RGS7: variants seen among roughly 807,000 people sequenced by gnomAD.
RGS7 encodes the protein regulator of G protein signaling 7.
Under a neutral mutation model 81.1 loss-of-function variants are expected in RGS7, and 27 were observed. The observed-to-expected ratio is 0.33, with a 90% CI of 0.25 to 0.46. The LOEUF (loss-of-function observed/expected upper bound fraction) is 0.46. Ranked by LOEUF, RGS7 falls within the 20% of genes least tolerant of loss-of-function variation. The pLI is 1.00. For missense variants in RGS7, 396 were observed against 607.4 expected (o/e 0.65, Z 3.66); for synonymous variants, 208 against 207.7 (o/e 1.00, Z -0.01).
intron 2 of RGS7, among the ~76,000 whole-genome samples, chr1:241,113,648 G>A (rs1220801112): frequency 6.6e-6 from 1 of 152,196 alleles, no homozygotes; most frequent in Non-Finnish European, 1.5e-5. Context: ...TTGCTTAGCA[G>A]AGCCATGTGC....
At chr1:240,800,834 C>A in intron 17 of RGS7, 113 bp from the exon 18 acceptor site, 1 of 506,632 alleles carries the variant, frequency 2.0e-6, no homozygotes, top group Non-Finnish European at 3.5e-6. Flanking sequence ...TATATATCAT[C>A]AAAACACATG....
At chr1:241,201,086 G>C (rs1047890657) in intron 2 of RGS7, among the ~76,000 whole-genome samples, 2 of 152,082 alleles carry the variant, frequency 1.3e-5, no homozygotes, top group Non-Finnish European at 2.9e-5. Context: ...GGTCACCTCT[G>C]TAAGACACCT....
intron 2 of RGS7, among the ~76,000 whole-genome samples, chr1:241,153,484 G>C (rs974848615): frequency 1.1e-4 from 16 of 152,160 alleles, no homozygotes; most frequent in African/African-American, 1.4e-4. Flanking sequence ...AAAGTGGTTA[G>C]ATTTACAAAA....
In RGS7 at chr1:240,775,862, TGAGA is replaced by T. The variant is rs138253560; in HGVS notation, c.*354_*357del. On this transcript the variant is annotated 3_prime_UTR_variant, in exon 19 of 19. Transcript: ENST00000440928. ...TGAACTGTGTGTCTAACTGAAGCTT[TGAGA>T]GAGAGAGAGAGAGAAAGAAGGAAAA... 159 of 328,194 alleles carry T rather than the reference TGAGA, an allele frequency of 4.8e-4. 1 individual carries two copies. Among genetic ancestry groups the T allele is most frequent in the South Asian group, 2.6e-3 (72 of 27,200 alleles). The allele number at this position is 328,194 out of a possible 1,614,324, so 20.3% of individuals were successfully genotyped here. A position where few individuals can be genotyped will look rare whatever the true frequency, so the allele number is the denominator to read the frequency against.
chr1:241,336,837 A>G (rs908210892), intron 2 of RGS7, among the ~76,000 whole-genome samples: 1 of 152,236 alleles, frequency 6.6e-6, no homozygotes, highest in Admixed American at 6.5e-5. Context: ...CCTCTGGAAT[A>G]GGATATTCCT....
At chr1:241,137,469 C>T (rs760510212) in intron 2 of RGS7, among the ~76,000 whole-genome samples, 7 of 152,104 alleles carry the variant, frequency 4.6e-5, no homozygotes, top group Non-Finnish European at 7.4e-5. Flanking sequence ...AATATGTAAG[C>T]GCTTACTTGT....
At chr1:241,215,486 G>T (rs960961097) in intron 2 of RGS7, among the ~76,000 whole-genome samples, 2 of 152,216 alleles carry the variant, frequency 1.3e-5, no homozygotes, top group Admixed American at 1.3e-4. Context: ...CAGGTCAGGA[G>T]TCAACCAAGG....
At chr1:240,955,816 T>C (rs1045129293) in intron 4 of RGS7, among the ~76,000 whole-genome samples, 1 of 152,188 alleles carries the variant, frequency 6.6e-6, no homozygotes, top group African/African-American at 2.4e-5. Flanking sequence ...CCAATTGTTA[T>C]GTAAAAAAGA....
intron 2 of RGS7, among the ~76,000 whole-genome samples, chr1:241,182,681 GCT>G (rs2071730126): frequency 7.5e-6 from 1 of 133,280 alleles, no homozygotes; most frequent in Non-Finnish European, 1.5e-5. Context: ...ACAGAGTCTC[GCT>G]CTGTCACCAG....
At chr1:240,874,167 T>C (rs1664965160) in intron 6 of RGS7, among the ~76,000 whole-genome samples, 3 of 152,234 alleles carry the variant, frequency 2.0e-5, no homozygotes. Context: ...CAGTTGGCAC[T>C]TTAATCCTGG....
intron 2 of RGS7, among the ~76,000 whole-genome samples, chr1:241,316,566 A>G (rs1222198019): frequency 1.3e-5 from 2 of 152,212 alleles, no homozygotes; most frequent in African/African-American, 4.8e-5. Context: ...ATTTCACAAT[A>G]CCAAACATGT....
chr1:240,898,522 G>A (rs1669461179), intron 6 of RGS7, among the ~76,000 whole-genome samples: 1 of 152,066 alleles, frequency 6.6e-6, no homozygotes, highest in African/African-American at 2.4e-5. Context: ...CTTTATTTCT[G>A]CCTTCATTTT....
chr1:241,337,396 A>T (rs2082304593), intron 2 of RGS7, among the ~76,000 whole-genome samples: 1 of 152,032 alleles, frequency 6.6e-6, no homozygotes, highest in Admixed American at 6.6e-5. Context: ...CAAGAATTAG[A>T]CCCCACACAA....
chr1:240,863,336 G>A (rs190559482), intron 9 of RGS7, among the ~76,000 whole-genome samples: 9 of 152,074 alleles, frequency 5.9e-5, no homozygotes, highest in African/African-American at 1.9e-4. Context: ...TTAGCTGGGC[G>A]TGGTGGCATG....
chr1:241,190,064 C>T (rs1055707379), intron 2 of RGS7, among the ~76,000 whole-genome samples: 3 of 151,994 alleles, frequency 2.0e-5, no homozygotes, highest in African/African-American at 7.3e-5. Context: ...GATGGCGCCA[C>T]TGCACTCCAG....
chr1:240,928,910 T>G (rs1674941092), intron 6 of RGS7, among the ~76,000 whole-genome samples: 1 of 152,164 alleles, frequency 6.6e-6, no homozygotes, highest in Admixed American at 6.6e-5. Context: ...TGTGCCCGGC[T>G]GGGAATTTGC....
chr1:240,918,663 T>G (rs1237275761), intron 6 of RGS7, among the ~76,000 whole-genome samples: 2 of 152,032 alleles, frequency 1.3e-5, no homozygotes, highest in African/African-American at 4.8e-5. Context: ...ATAATCTAAA[T>G]TCCCATCTTA....
intron 3 of RGS7, among the ~76,000 whole-genome samples, chr1:241,060,388 T>A (rs2061682369): frequency 6.6e-6 from 1 of 152,202 alleles, no homozygotes; most frequent in South Asian, 2.1e-4. Context: ...TGCCAAGTAA[T>A]GCTTGACAGA....
intron 2 of RGS7, among the ~76,000 whole-genome samples, chr1:241,244,056 T>G (rs1403493675): frequency 6.6e-6 from 1 of 152,142 alleles, no homozygotes; most frequent in Non-Finnish European, 1.5e-5. Context: ...AGAGCAAGAT[T>G]CCCTTTCCAA....
Sources: gnomAD v4.1 joint callset for allele counts (sites outside exome capture counted in the v4.1 genomes callset) on GRCh38, gnomAD v4.1.1 for gene constraint, MANE v1.5 for transcripts, NCBI Gene and HGNC (gene_info 2026-07-23, HGNC 2026-07-21) for gene names.